The following UNC13C variants were observed in gnomAD, a reference collection of about 807,000 sequenced individuals.
UNC13C encodes protein unc-13 homolog C.
In UNC13C, 174 loss-of-function variants were observed where a neutral mutation model predicts 245.4. The observed-to-expected ratio is 0.71, with a 90% CI of 0.63 to 0.80. The LOEUF is 0.80. Ranked by LOEUF, UNC13C falls within the 30% of genes least tolerant of loss-of-function variation. The probability of loss-of-function intolerance (pLI) is 0.00; values close to 1 mark genes in which losing one functional copy is unlikely to be tolerated. For missense variants in UNC13C, 2,829 were observed against 2,602.9 expected (o/e 1.09, Z -1.89); for synonymous variants, 992 against 895.1 (o/e 1.11, Z -1.93).
At chr15:54,220,503 G>A (rs1465342151) in intron 4 of UNC13C, among the ~76,000 whole-genome samples, 15 of 150,214 alleles carry the variant, frequency 1.0e-4, no homozygotes, top group African/African-American at 3.5e-4. Context: ...GCTAAATGAC[G>A]AGTTAATGGG....
chr15:53,903,844 AGCTACATT>A, the UNC13C span, among the ~76,000 whole-genome samples: 1 of 1,146 alleles, frequency 8.7e-4, no homozygotes, highest in African/African-American at 2.9e-3. Context: ...ACAGCTACAT[AGCTACATT>A]GGTGTTGTGG....
intron 2 of UNC13C, among the ~76,000 whole-genome samples, chr15:54,139,067 C>A (rs1182589784): frequency 7.0e-6 from 1 of 143,200 alleles, no homozygotes; most frequent in African/African-American, 2.5e-5. Context: ...TCAAGCGATT[C>A]TTGTGCCTCA....
At chr15:54,356,014 A>G (rs1181818151) in intron 17 of UNC13C, among the ~76,000 whole-genome samples, 2 of 152,196 alleles carry the variant, frequency 1.3e-5, no homozygotes, top group Non-Finnish European at 2.9e-5. Context: ...TCTGTGCTTC[A>G]TTTAACAATA....
intron 13 of UNC13C, among the ~76,000 whole-genome samples, chr15:54,319,777 TTA>T (rs1253477012): frequency 1.3e-5 from 2 of 151,934 alleles, no homozygotes; most frequent in African/African-American, 4.8e-5. Context: ...TAGGATCACA[TTA>T]TATAGTGAAA....
intron 3 of UNC13C, among the ~76,000 whole-genome samples, chr15:54,143,352 A>G (rs541165664): frequency 2.6e-5 from 4 of 152,178 alleles, no homozygotes; most frequent in African/African-American, 9.7e-5. Flanking sequence ...TTCACTGTGC[A>G]TATCAAGTTT....
the UNC13C span, among the ~76,000 whole-genome samples, chr15:53,929,577 G>A: frequency 6.6e-5 from 10 of 152,202 alleles, no homozygotes; most frequent in Admixed American, 2.0e-4. Flanking sequence ...TTTTAGGTGC[G>A]TGTGGTAGGG....
At chr15:54,020,774 T>C (rs949614905) in intron 2 of UNC13C, among the ~76,000 whole-genome samples, 1 of 152,188 alleles carries the variant, frequency 6.6e-6, no homozygotes, top group African/African-American at 2.4e-5. Flanking sequence ...GGGATTTTCC[T>C]GTAGAAACCA....
chr15:54,030,164 G>C (rs903115955), intron 2 of UNC13C, among the ~76,000 whole-genome samples: 1 of 151,880 alleles, frequency 6.6e-6, no homozygotes, highest in Non-Finnish European at 1.5e-5. Context: ...TGCTTCCAGG[G>C]ACCACCTTCC....
the UNC13C span, among the ~76,000 whole-genome samples, chr15:53,971,169 T>C: frequency 1.3e-5 from 2 of 152,194 alleles, no homozygotes; most frequent in Admixed American, 1.3e-4. Flanking sequence ...GAGAAATGTC[T>C]ATTCAAGTTG....
chr15:53,892,179 T>C, the UNC13C span, among the ~76,000 whole-genome samples: 1 of 152,212 alleles, frequency 6.6e-6, no homozygotes, highest in Admixed American at 6.5e-5. Flanking sequence ...AAAATTCTTT[T>C]CTTAAAGAAT....
At position 54,393,366 on chromosome 15, in the gene UNC13C, C is replaced by G. The variant is rs761370562; in HGVS notation, c.4847+185C>G. Among the ~76,000 whole-genome samples, 175 of 151,752 alleles carry G rather than the reference C, an allele frequency of 1.2e-3. 1 individual carries two copies. Among genetic ancestry groups the G allele is most frequent in the Non-Finnish European group, 2.1e-3 (143 of 67,818 alleles). On this transcript the variant is annotated intron_variant, in intron 18 of 32. Transcript: ENST00000260323. ...TGATATTATGAATTTTTAGTTTGAG[C>G]TCCATGGAGTATGATTCTTTGGATA...
At chr15:54,548,397 T>C (rs1441751707) in intron 27 of UNC13C, among the ~76,000 whole-genome samples, 2 of 151,908 alleles carry the variant, frequency 1.3e-5, no homozygotes, top group Admixed American at 1.3e-4. Flanking sequence ...AATTTTTTTG[T>C]ATTTTTAGTA....
At chr15:54,209,491 C>T (rs1274251941) in intron 4 of UNC13C, among the ~76,000 whole-genome samples, 1 of 151,944 alleles carries the variant, frequency 6.6e-6, no homozygotes, top group Admixed American at 6.6e-5. Flanking sequence ...CGGCTCACTG[C>T]AGACTGGAAC....
chr15:54,016,729 T>G (rs1357062902), intron 2 of UNC13C, among the ~76,000 whole-genome samples: 1 of 152,236 alleles, frequency 6.6e-6, no homozygotes, highest in Non-Finnish European at 1.5e-5. Flanking sequence ...TCCTCCGCAC[T>G]TATTCCACTC....
chr15:54,382,143 A>G (rs1330121994), intron 17 of UNC13C, among the ~76,000 whole-genome samples: 1 of 152,214 alleles, frequency 6.6e-6, no homozygotes, highest in Admixed American at 6.5e-5. Flanking sequence ...CTCCTGAATG[A>G]CCATTGGATC....
At chr15:54,278,380 C>G (rs550895047) in intron 10 of UNC13C, among the ~76,000 whole-genome samples, 20 of 152,192 alleles carry the variant, frequency 1.3e-4, no homozygotes, top group African/African-American at 4.8e-4. Flanking sequence ...TTTGAGTAGA[C>G]AAAATTAATC....
At chr15:54,207,460 C>T (rs1352150773) in intron 4 of UNC13C, among the ~76,000 whole-genome samples, 1 of 152,004 alleles carries the variant, frequency 6.6e-6, no homozygotes, top group African/African-American at 2.4e-5. Flanking sequence ...GCCCTCACCA[C>T]ACATAGCTGC....
chr15:54,064,701 A>G (rs1324873020), intron 2 of UNC13C, among the ~76,000 whole-genome samples: 1 of 152,194 alleles, frequency 6.6e-6, no homozygotes, highest in African/African-American at 2.4e-5. Flanking sequence ...ACCACTACCT[A>G]TAATCTTGTT....
chr15:54,520,842 G>A (rs1264002168), intron 24 of UNC13C, among the ~76,000 whole-genome samples: 1 of 152,162 alleles, frequency 6.6e-6, no homozygotes, highest in Non-Finnish European at 1.5e-5. Flanking sequence ...ATGTTTAGGA[G>A]AAAAGGATGT....
Sources: gnomAD v4.1 joint callset for allele counts (sites outside exome capture counted in the v4.1 genomes callset) on GRCh38, gnomAD v4.1.1 for gene constraint, MANE v1.5 for transcripts, NCBI Gene and HGNC (gene_info 2026-07-23, HGNC 2026-07-21) for gene names.